TRMT2B: variants seen among roughly 807,000 people sequenced by gnomAD.
The protein encoded by TRMT2B is tRNA methyltransferase 2B.
A neutral mutation model predicts 39.7 loss-of-function variants in TRMT2B; 34 were observed. The observed-to-expected ratio is 0.86, with a 90% CI of 0.65 to 1.14. The LOEUF is 1.14. Ranked by LOEUF, TRMT2B falls within the 50% of genes most tolerant of loss-of-function variation. TRMT2B has a pLI of 0.00. For synonymous variants in TRMT2B, 132 were observed against 137.3 expected (o/e 0.96, Z 0.27); for missense variants, 318 against 377.2 (o/e 0.84, Z 1.30).
At chrX:101,048,113 T>TACACACACATACAC (rs1556364028) in intron 2 of TRMT2B, among the ~76,000 whole-genome samples, 3 of 90,399 alleles carry the variant, frequency 3.3e-5, no homozygotes, top group East Asian at 7.3e-4. Context: ...TTTATACACA[T>TACACACACATACAC]ACACACACAC....
intron 8 of TRMT2B, among the ~76,000 whole-genome samples, chrX:101,023,038 G>T (rs2086876085): frequency 8.9e-6 from 1 of 112,141 alleles, no homozygotes. Context: ...TACTTTACAA[G>T]TTTGTTGAGA....
intron 2 of TRMT2B, among the ~76,000 whole-genome samples, chrX:101,045,615 C>T (rs2088605783): frequency 1.3e-5 from 1 of 75,526 alleles, no homozygotes; most frequent in South Asian, 5.3e-4. Flanking sequence ...ACTAAAAATA[C>T]AAAACAAACA....
chrX:101,008,879 C>T (rs1037390903), downstream of TRMT2B, among the ~76,000 whole-genome samples: 1 of 111,418 alleles, frequency 9.0e-6, no homozygotes, highest in Non-Finnish European at 1.9e-5. Context: ...GTTCACTCAG[C>T]CCTGCATTGC....
At chrX:101,045,777 GAC>G (rs2088620617) in intron 2 of TRMT2B, among the ~76,000 whole-genome samples, 3 of 109,114 alleles carry the variant, frequency 2.7e-5, no homozygotes, top group African/African-American at 1.0e-4. Context: ...CAGCCTAGGT[GAC>G]AGAGTGAGAC....
chrX:101,007,226 A>T (rs1433064482), downstream of TRMT2B, among the ~76,000 whole-genome samples: 1 of 112,392 alleles, frequency 8.9e-6, no homozygotes, highest in Non-Finnish European at 1.9e-5. Context: ...GAATGTAAAT[A>T]GGACCAAAAG....
chrX:101,037,990 T>C lies in TRMT2B; in HGVS notation c.365A>G (p.Asn122Ser), dbSNP rs1326246962. ...QRLESYIQML[N>S]GVSVTTAVPK... ...TACAGCCGTTGTCACACTGACTCCA[T>C]TGAGCATTTGGATGTAAGACTCTAG... The change falls in exon 5 of 14, where the codon AAT becomes AGT. Residue 122 changes from asparagine to serine, a missense_variant. Asn to Ser is a conservative substitution (Grantham distance 46, BLOSUM62 1). Transcript: ENST00000372936. 26 of 1,206,176 alleles carry C rather than the reference T, an allele frequency of 2.2e-5. No individual in the cohort carries two copies. The highest frequency in any genetic ancestry group is 8.8e-5 in the South Asian group (5 of 56,654).
At chrX:101,026,839 C>T (rs2087119871) in intron 7 of TRMT2B, among the ~76,000 whole-genome samples, 1 of 111,785 alleles carries the variant, frequency 8.9e-6, no homozygotes, top group Non-Finnish European at 1.9e-5. Flanking sequence ...CTCTCCTGCA[C>T]CATCATTGCC....
At chrX:101,039,350 C>T (rs779602017) in intron 4 of TRMT2B, among the ~76,000 whole-genome samples, 16 of 111,293 alleles carry the variant, frequency 1.4e-4, no homozygotes, top group Non-Finnish European at 2.8e-4. Flanking sequence ...GGATTACAGG[C>T]GTGAGCCACC....
intron 7 of TRMT2B, among the ~76,000 whole-genome samples, chrX:101,035,361 A>T (rs1297856226): frequency 8.9e-6 from 1 of 111,777 alleles, no homozygotes; most frequent in Non-Finnish European, 1.9e-5. Flanking sequence ...TTCCTAATAC[A>T]TCCCTACTAT....
rs12116149 is a variant in TRMT2B, at chrX:101,051,236, T to A, written c.-24+15A>T. 8.1e-6 allele frequency: 6 copies of A among 741,418 alleles called. No individual in the cohort carries two copies. The allele number at this position is 741,418 out of a possible 1,213,427, so 61.1% of individuals were successfully genotyped here. A position where few individuals can be genotyped will look rare whatever the true frequency, so the allele number is the denominator to read the frequency against. The stretch of plus-strand genomic sequence containing the variant: ...AGAGAGGTTCAAATCAAAGAGACTA[T>A]GTGGTAGGTCTCACCTGCGCAGGGC... On this transcript the variant is annotated intron_variant, in intron 2 of 13. Coordinates refer to ENST00000372936, the MANE Select transcript of TRMT2B (RefSeq NM_024917.6).
chrX:101,035,634 C>T lies in TRMT2B; in HGVS notation c.588G>A (p.Glu196=), dbSNP rs1370587275. The T allele has an allele frequency of 2.5e-6, 3 of 1,211,196 alleles. No individual in the cohort carries two copies. The highest frequency in any genetic ancestry group is 2.2e-6 in the Non-Finnish European group (2 of 894,983). The change falls in exon 7 of 14, where the codon GAG becomes GAA. Residue 196 remains glutamate, a synonymous_variant. Transcript: ENST00000372936. The part of the protein sequence containing the change: ...VQSNHLKNIP[E]KHSQVAQYYE... ...TTACCTGCGCCACTTGACTGTGTTT[C>T]TCAGGGATGTTTTTCAGATGATTAG...
At chrX:101,011,212 C>A (rs1222219313) in intron 13 of TRMT2B, among the ~76,000 whole-genome samples, 1 of 111,601 alleles carries the variant, frequency 9.0e-6, no homozygotes, top group Non-Finnish European at 1.9e-5. Flanking sequence ...AGCATACTTA[C>A]AAATATCTAG....
At chrX:101,005,033 A>G (rs201412877), downstream of TRMT2B, among the ~76,000 whole-genome samples, 1 of 110,948 alleles carries the variant, frequency 9.0e-6, no homozygotes, top group East Asian at 2.8e-4. Flanking sequence ...TGTGGAACAG[A>G]CCTGGTTTCT....
Position 101,051,720 on chromosome X carries a change from T to A in TRMT2B, c.-493A>T. On this transcript the variant is annotated 5_prime_UTR_variant, in exon 2 of 14. The change abolishes an upstream ATG in the 5' untranslated region. Coordinates refer to ENST00000372936, the MANE Select transcript of TRMT2B (RefSeq NM_024917.6). ...TCCCCGCCCCGCGGACAGTTTGGCATAGTAGGGAGTTTTCTGTAAAGCAAG... is the reference window on the plus strand; with the variant it reads ...TCCCCGCCCCGCGGACAGTTTGGCAAAGTAGGGAGTTTTCTGTAAAGCAAG... 1 of 752,972 alleles carries A rather than the reference T, an allele frequency of 1.3e-6. No homozygotes were observed. The highest frequency in any genetic ancestry group is 1.6e-6 in the Non-Finnish European group (1 of 637,756). The allele number at this position is 752,972 out of a possible 1,213,427, so 62.1% of individuals were successfully genotyped here. A position where few individuals can be genotyped will look rare whatever the true frequency, so the allele number is the denominator to read the frequency against.
chrX:101,016,975 C>A (rs888380808), intron 13 of TRMT2B, among the ~76,000 whole-genome samples: 1 of 111,397 alleles, frequency 9.0e-6, no homozygotes, highest in African/African-American at 3.3e-5. Flanking sequence ...AAGTTCAAGA[C>A]CAGCCTGGCC....
the TRMT2B span, chrX:100,973,538 T>C: frequency 2.1e-6 from 2 of 938,609 alleles, no homozygotes; most frequent in Non-Finnish European, 2.9e-6. Flanking sequence ...TAGACACAGT[T>C]GGATAGAATG....
chrX:101,021,818 A>C, intron 9 of TRMT2B, 150 bp downstream of exon 9: 1 of 479,616 alleles, frequency 2.1e-6, no homozygotes, highest in Admixed American at 3.4e-5. Flanking sequence ...TCACATCTAC[A>C]TTCTGGCCTG....
chrX:101,023,916 C>T (rs2086921171), intron 7 of TRMT2B, among the ~76,000 whole-genome samples: 1 of 111,149 alleles, frequency 9.0e-6, no homozygotes, highest in Non-Finnish European at 1.9e-5. Flanking sequence ...GGCATGATCT[C>T]GGCTCACTGC....
the TRMT2B span, among the ~76,000 whole-genome samples, chrX:100,994,599 T>C: frequency 2.0e-4 from 22 of 111,636 alleles, no homozygotes; most frequent in Non-Finnish European, 3.4e-4. Context: ...GTCAGCAGGG[T>C]TGTTAAGCAA....
Sources: allele counts gnomAD v4.1 joint callset (sites outside exome capture counted in the v4.1 genomes callset), GRCh38; gene constraint gnomAD v4.1.1; transcripts MANE v1.5; gene names NCBI Gene and HGNC (gene_info 2026-07-23, HGNC 2026-07-21).